Variants in DDX10 observed in about 807,000 individuals in gnomAD.
DDX10 encodes the protein probable ATP-dependent RNA helicase DDX10.
In DDX10, 74 loss-of-function variants were observed where a neutral mutation model predicts 104.3. The observed-to-expected ratio is 0.71, with a 90% CI of 0.59 to 0.86. The LOEUF (loss-of-function observed/expected upper bound fraction) is 0.86, where lower values mean the gene tolerates loss of function less well. Among genes scored for constraint, DDX10 ranks in the 40% least tolerant of loss-of-function variants. DDX10 has a pLI of 0.00. For synonymous variants in DDX10, 351 were observed against 353.4 expected (o/e 0.99, Z 0.08); for missense variants, 952 against 1,040.0 (o/e 0.92, Z 1.16).
rs116009359 is a variant in DDX10, at chr11:108,905,529, A to G, written c.2305-12344A>G. On this transcript the variant is annotated intron_variant, in intron 16 of 17. Coordinates refer to ENST00000322536, the MANE Select transcript of DDX10 (RefSeq NM_004398.4). ...TATGGGTTTTGACAAATGCATAGTG[A>G]TGTATCCATCGTAATCAAAGATGCA... 4.7e-3 allele frequency among the ~76,000 whole-genome samples: 719 copies of G among 152,154 alleles called. 7 individuals are homozygous for G. Among genetic ancestry groups the G allele is most frequent in the African/African-American group, 0.015 (635 of 41,496 alleles).
intron 1 of DDX10, among the ~76,000 whole-genome samples, chr11:108,673,035 T>C (rs1453336835): frequency 6.6e-6 from 1 of 152,240 alleles, no homozygotes; most frequent in South Asian, 2.1e-4. Context: ...CTAATTTCAC[T>C]CTTTTTTCCA....
intron 13 of DDX10, among the ~76,000 whole-genome samples, chr11:108,759,546 T>C (rs1381489266): frequency 2.0e-5 from 3 of 152,064 alleles, no homozygotes; most frequent in Non-Finnish European, 4.4e-5. Flanking sequence ...TGATCTAGAA[T>C]GTGCATTTAG....
At chr11:108,862,925 T>C (rs1421097173) in intron 16 of DDX10, among the ~76,000 whole-genome samples, 2 of 152,222 alleles carry the variant, frequency 1.3e-5, no homozygotes, top group Non-Finnish European at 2.9e-5. Context: ...TGTAACTTTA[T>C]AAATTGAAAT....
chr11:108,737,910 C>T (rs1214087883), intron 13 of DDX10, among the ~76,000 whole-genome samples: 1 of 152,070 alleles, frequency 6.6e-6, no homozygotes, highest in Non-Finnish European at 1.5e-5. Flanking sequence ...CACCTGCGTG[C>T]ATTTTCATAT....
At chr11:108,703,268 T>G (rs2094271058) in intron 9 of DDX10, among the ~76,000 whole-genome samples, 1 of 152,222 alleles carries the variant, frequency 6.6e-6, no homozygotes. Context: ...ATGATAAATA[T>G]AATTTATCGA....
chr11:108,685,583 CCTT>C (rs1159338923), intron 6 of DDX10, among the ~76,000 whole-genome samples: 1 of 152,226 alleles, frequency 6.6e-6, no homozygotes, highest in East Asian at 1.9e-4. Flanking sequence ...CTTATAAAAT[CCTT>C]CTAGCAGGAT....
chr11:108,880,653 G>A (rs956021074), intron 16 of DDX10, among the ~76,000 whole-genome samples: 2 of 152,110 alleles, frequency 1.3e-5, no homozygotes, highest in Non-Finnish European at 1.5e-5. Flanking sequence ...TAGGCACTTC[G>A]GCAAAAGGAA....
chr11:108,935,827 T>G (rs1349804724), intron 17 of DDX10, among the ~76,000 whole-genome samples: 1 of 152,184 alleles, frequency 6.6e-6, no homozygotes, highest in Non-Finnish European at 1.5e-5. Context: ...AATTTCCCTG[T>G]CATCATCTGT....
chr11:108,834,303 A>G (rs1304516324), intron 13 of DDX10, among the ~76,000 whole-genome samples: 2 of 151,704 alleles, frequency 1.3e-5, no homozygotes, highest in East Asian at 1.9e-4. Flanking sequence ...CTATCTCTCC[A>G]TCCTTTTTTA....
At chr11:108,776,351 C>G (rs900899815) in intron 13 of DDX10, among the ~76,000 whole-genome samples, 1 of 152,168 alleles carries the variant, frequency 6.6e-6, no homozygotes, top group Non-Finnish European at 1.5e-5. Flanking sequence ...ATACAGATAT[C>G]TGAGGTACCC....
At chr11:108,802,047 G>A (rs1862029911) in intron 13 of DDX10, among the ~76,000 whole-genome samples, 2 of 151,628 alleles carry the variant, frequency 1.3e-5, no homozygotes, top group South Asian at 4.2e-4. Flanking sequence ...TTGTGTGTAT[G>A]TCTTGTGGCT....
chr11:108,668,812 A>G (rs2094213392), intron 1 of DDX10, among the ~76,000 whole-genome samples: 1 of 152,180 alleles, frequency 6.6e-6, no homozygotes, highest in South Asian at 2.1e-4. Context: ...ATAAAATGTT[A>G]TAATAGTAAG....
At chr11:108,879,779 C>T (rs1863202538) in intron 16 of DDX10, among the ~76,000 whole-genome samples, 1 of 152,152 alleles carries the variant, frequency 6.6e-6, no homozygotes, top group South Asian at 2.1e-4. Flanking sequence ...ATGAATTATA[C>T]ATTCTAATGG....
chr11:108,765,485 G>A (rs2094355398), intron 13 of DDX10, among the ~76,000 whole-genome samples: 1 of 152,210 alleles, frequency 6.6e-6, no homozygotes, highest in Non-Finnish European at 1.5e-5. Context: ...TAGGTGCTCT[G>A]TCTTTAAGTT....
intron 4 of DDX10, among the ~76,000 whole-genome samples, chr11:108,677,473 C>CT (rs1404768284): frequency 6.6e-6 from 1 of 151,834 alleles, no homozygotes; most frequent in Admixed American, 6.6e-5. Context: ...ATTAGCCTCT[C>CT]TAAGACATAT....
chr11:108,671,134 T>C (rs1417992473), intron 1 of DDX10, among the ~76,000 whole-genome samples: 1 of 152,186 alleles, frequency 6.6e-6, no homozygotes, highest in Non-Finnish European at 1.5e-5. Flanking sequence ...TAAGTGATTT[T>C]TCCCCCCTAA....
chr11:108,722,954 A>T, intron 12 of DDX10, 43 bp from the exon 13 acceptor site: 8 of 1,540,056 alleles, frequency 5.2e-6, no homozygotes, highest in Non-Finnish European at 7.0e-6. Context: ...TAAACATATC[A>T]TCAGTGTTGA....
intron 13 of DDX10, among the ~76,000 whole-genome samples, chr11:108,816,862 A>T (rs1220566562): frequency 4.6e-5 from 7 of 152,110 alleles, no homozygotes; most frequent in Non-Finnish European, 1.0e-4. Context: ...CCAATAAAAT[A>T]ACCTTCTAGT....
intron 5 of DDX10, among the ~76,000 whole-genome samples, chr11:108,678,870 ATTTTTT>A (rs769948315): frequency 4.3e-5 from 4 of 92,710 alleles, no homozygotes; most frequent in South Asian, 4.0e-4. Context: ...GTTTCCCCTA[ATTTTTT>A]TTTTTTTTTT....
Sources: gnomAD v4.1 joint callset for allele counts (sites outside exome capture counted in the v4.1 genomes callset) on GRCh38, gnomAD v4.1.1 for gene constraint, MANE v1.5 for transcripts, NCBI Gene and HGNC (gene_info 2026-07-23, HGNC 2026-07-21) for gene names.